The following TNFAIP8 variants were observed in gnomAD, a reference collection of about 807,000 sequenced individuals.
TNFAIP8 encodes tumor necrosis factor alpha-induced protein 8.
TNFAIP8 carries 7 observed loss-of-function variants against 13.3 expected under a neutral mutation model. That is an observed-to-expected ratio of 0.52 (90% confidence interval 0.30 to 0.99). TNFAIP8 has a LOEUF of 0.99. Among genes scored for constraint, TNFAIP8 ranks in the 50% least tolerant of loss-of-function variants. TNFAIP8 has a pLI of 0.07. For missense variants in TNFAIP8, 258 were observed against 236.9 expected, an observed-to-expected ratio of 1.09 and a Z score of -0.58; for synonymous variants, 94 against 87.6, an observed-to-expected ratio of 1.07 and a Z score of -0.41.
intron 1 of TNFAIP8, among the ~76,000 whole-genome samples, chr5:119,298,716 C>A (rs1481812381): frequency 1.3e-5 from 2 of 152,210 alleles, no homozygotes; most frequent in East Asian, 3.9e-4. Flanking sequence ...CAACTAGGTT[C>A]CATTCTCCCC....
At chr5:119,306,168 C>T (rs1169929504) in intron 1 of TNFAIP8, among the ~76,000 whole-genome samples, 2 of 152,194 alleles carry the variant, frequency 1.3e-5, no homozygotes, top group Non-Finnish European at 2.9e-5. Context: ...TTTGGCAAAA[C>T]TTGCCTAAAT....
chr5:119,293,634 C>T (rs1581577357), intron 1 of TNFAIP8, among the ~76,000 whole-genome samples: 1 of 152,106 alleles, frequency 6.6e-6, no homozygotes, highest in African/African-American at 2.4e-5. Context: ...AATGGTTACG[C>T]AACTGTATAC....
At chr5:119,364,139 G>A (rs534726378) in intron 1 of TNFAIP8, among the ~76,000 whole-genome samples, 1 of 152,206 alleles carries the variant, frequency 6.6e-6, no homozygotes, top group Non-Finnish European at 1.5e-5. Context: ...CCCAGAGTGG[G>A]GGAACTGAAA....
intron 1 of TNFAIP8, among the ~76,000 whole-genome samples, chr5:119,338,171 C>CACAT (rs1750618707): frequency 8.8e-6 from 1 of 113,368 alleles, no homozygotes; most frequent in Non-Finnish European, 1.8e-5. Flanking sequence ...CTTTGACACA[C>CACAT]ACACACACAC....
intron 1 of TNFAIP8, among the ~76,000 whole-genome samples, chr5:119,281,512 C>T (rs1161043241): frequency 2.0e-5 from 3 of 151,998 alleles, no homozygotes; most frequent in Admixed American, 1.3e-4. Context: ...GTGTAATTAC[C>T]TATTTGATTA....
chr5:119,295,905 G>A (rs1159853289), intron 1 of TNFAIP8, among the ~76,000 whole-genome samples: 2 of 151,586 alleles, frequency 1.3e-5, no homozygotes, highest in African/African-American at 2.4e-5. Flanking sequence ...GTGAATGGGA[G>A]TTCACTCATG....
chr5:119,333,480 G>A, intron 1 of TNFAIP8: 1 of 1,434,466 alleles, frequency 7.0e-7, no homozygotes. Context: ...AATTATTCTT[G>A]AGAAGGACTG....
chr5:119,286,283 T>C (rs746667451), intron 1 of TNFAIP8, among the ~76,000 whole-genome samples: 3 of 152,164 alleles, frequency 2.0e-5, no homozygotes, highest in Non-Finnish European at 4.4e-5. Flanking sequence ...TCTCTGGTTA[T>C]TGATTCCTCT....
intron 1 of TNFAIP8, among the ~76,000 whole-genome samples, chr5:119,381,859 G>A (rs1752497562): frequency 1.3e-5 from 2 of 152,032 alleles, no homozygotes; most frequent in Non-Finnish European, 2.9e-5. Context: ...TTGAACCCGG[G>A]AGGTGGAGGT....
intron 1 of TNFAIP8, among the ~76,000 whole-genome samples, chr5:119,375,406 C>T (rs895013346): frequency 7.9e-5 from 12 of 152,156 alleles, no homozygotes; most frequent in Non-Finnish European, 1.5e-4. Context: ...GTGGGGGCTG[C>T]TCAAGTATTT....
At chr5:119,307,697 G>A (rs1304363119) in intron 1 of TNFAIP8, among the ~76,000 whole-genome samples, 4 of 152,182 alleles carry the variant, frequency 2.6e-5, no homozygotes, top group Non-Finnish European at 4.4e-5. Context: ...AAAATTCTGC[G>A]TTAAATTGTG....
At chr5:119,309,526 T>G (rs1749668291) in intron 1 of TNFAIP8, among the ~76,000 whole-genome samples, 2 of 152,086 alleles carry the variant, frequency 1.3e-5, no homozygotes, top group African/African-American at 4.8e-5. Context: ...CAACAGTTGT[T>G]TAAATAAGAT....
At chr5:119,324,274 C>CAAAAAAAAAAAA (rs56104829) in intron 1 of TNFAIP8, among the ~76,000 whole-genome samples, 10 of 77,668 alleles carry the variant, frequency 1.3e-4, no homozygotes, top group African/African-American at 1.9e-4. Context: ...GACGCCATCT[C>CAAAAAAAAAAAA]AAAAAAAAAA....
rs767270698 is a variant in TNFAIP8, at chr5:119,392,906, C to T, written c.122C>T (p.Thr41Ile). ...GKMVSKSIAT[T>I]LIDDTSSEVL... is the part of the protein sequence containing the mutation. ...ATGGTGTCCAAATCCATCGCCACCA[C>T]CTTAATAGACGACACAAGTAGTGAG... Residue 41 changes from threonine (T) to isoleucine (I), a missense_variant, in exon 2 of 2, where the codon ACC (threonine) becomes ATC (isoleucine). Physicochemically the swap from Thr to Ile is moderately conservative, Grantham distance 89. Transcript: ENST00000504771. The T allele has an allele frequency of 6.3e-7, 1 of 1,597,516 alleles. No individual in the cohort carries two copies. Among genetic ancestry groups the T allele is most frequent in the Admixed American group, 1.7e-5 (1 of 57,180 alleles).
At position 119,356,022 on chromosome 5, in the gene TNFAIP8, G is replaced by A; in HGVS notation, c.-69G>A. 1 of 1,545,736 alleles carries A rather than the reference G, an allele frequency of 6.5e-7. No individual in the cohort carries two copies. The highest frequency in any genetic ancestry group is 1.2e-5 in the South Asian group (1 of 84,150). On this transcript the variant is annotated 5_prime_UTR_variant, in exon 1 of 2. Transcript: ENST00000504771. ...TCCGTCGTGTGCGGATTTCGCTGCA[G>A]AGCGAACTTGCGGCTCGTCCGAGTA...
rs938658925 is a variant in TNFAIP8, at chr5:119,396,265, C to G, written c.*2884C>G. On this transcript the variant is annotated 3_prime_UTR_variant, in exon 2 of 2. Coordinates refer to ENST00000504771, the MANE Select transcript of TNFAIP8 (RefSeq NM_014350.4). Reference sequence around the variant, plus strand: ...TCATATAGTGACATTTTAGGCAGTACCTAAGTCAGCACAGGTCTGGCCTGT... The same window carrying G: ...TCATATAGTGACATTTTAGGCAGTAGCTAAGTCAGCACAGGTCTGGCCTGT... The G allele has an allele frequency of 2.0e-5, 3 of 152,192 alleles. No individual in the cohort carries two copies. The highest frequency in any genetic ancestry group is 2.9e-5 in the Non-Finnish European group (2 of 68,036). The allele number at this position is 152,192 out of a possible 1,614,324, so 9.4% of individuals were successfully genotyped here. A position where few individuals can be genotyped will look rare whatever the true frequency, so the allele number is the denominator to read the frequency against.
intron 1 of TNFAIP8, among the ~76,000 whole-genome samples, chr5:119,292,581 A>G (rs932555237): frequency 2.0e-5 from 3 of 146,564 alleles, no homozygotes; most frequent in African/African-American, 4.9e-5. Context: ...AAGATTATAC[A>G]TAAGAGCCAA....
chr5:119,380,581 C>T (rs187130303), intron 1 of TNFAIP8, among the ~76,000 whole-genome samples: 152 of 152,250 alleles, frequency 1.0e-3, no homozygotes, highest in Middle Eastern at 6.8e-3. Flanking sequence ...ATAAATCCAG[C>T]TTAATTGAAA....
intron 1 of TNFAIP8, among the ~76,000 whole-genome samples, chr5:119,366,616 G>T (rs1484938339): frequency 1.3e-5 from 2 of 152,206 alleles, no homozygotes; most frequent in Admixed American, 6.5e-5. Flanking sequence ...CTGTGACATC[G>T]TGATGCCCAT....
Sources: gnomAD v4.1 joint callset for allele counts (sites outside exome capture counted in the v4.1 genomes callset) on GRCh38, gnomAD v4.1.1 for gene constraint, MANE v1.5 for transcripts, NCBI Gene and HGNC (gene_info 2026-07-23, HGNC 2026-07-21) for gene names.